VPS37A: variants seen among roughly 807,000 people sequenced by gnomAD.
VPS37A encodes vacuolar protein sorting-associated protein 37A.
A neutral mutation model predicts 49.8 loss-of-function variants in VPS37A; 30 were observed. The ratio of observed to expected loss-of-function variants is 0.60; its 90% CI spans 0.45 to 0.82. VPS37A has a LOEUF of 0.82. VPS37A is among the 40% of genes least tolerant of loss of function. VPS37A has a pLI of 0.00. For synonymous variants in VPS37A, 195 were observed against 160.6 expected (o/e 1.21, Z -1.62); for missense variants, 593 against 464.4 (o/e 1.28, Z -2.55).
chr8:17,272,152 T>G (rs897671170), intron 4 of VPS37A: 2 of 451,212 alleles, frequency 4.4e-6, no homozygotes, highest in African/African-American at 4.0e-5. Flanking sequence ...GACCATCTGC[T>G]CAAAGGCCCA....
chr8:17,314,090 A>G, the VPS37A span, among the ~76,000 whole-genome samples: 29,717 of 152,070 alleles, frequency 0.2, 3,704 homozygotes, highest in East Asian at 0.34. Flanking sequence ...CACCTCTATA[A>G]TATTATAAAC....
chr8:17,314,085 C>G, the VPS37A span, among the ~76,000 whole-genome samples: 1 of 152,144 alleles, frequency 6.6e-6, no homozygotes, highest in Admixed American at 6.5e-5. Context: ...ATAAACACCT[C>G]TATAATATTA....
At chr8:17,261,004 A>G (rs570270234) in intron 1 of VPS37A, among the ~76,000 whole-genome samples, 10 of 152,088 alleles carry the variant, frequency 6.6e-5, no homozygotes, top group Admixed American at 2.0e-4. Flanking sequence ...CTGGATATTT[A>G]TGACTTTCTC....
At chr8:17,279,465 G>C (rs1473743090) in intron 6 of VPS37A, among the ~76,000 whole-genome samples, 1 of 152,016 alleles carries the variant, frequency 6.6e-6, no homozygotes, top group Non-Finnish European at 1.5e-5. Flanking sequence ...ATTTACTATA[G>C]TACTAGTGTG....
downstream of VPS37A, chr8:17,304,311 C>T: frequency 6.4e-7 from 1 of 1,552,288 alleles, no homozygotes; most frequent in East Asian, 2.3e-5. Context: ...ACTTTGACCT[C>T]TGAATGTTAA....
Position 17,268,459 on chromosome 8 carries a change from A to G in VPS37A, c.315+87A>G, listed in dbSNP as rs1316459575. On this transcript the variant is annotated intron_variant, in intron 3 of 11. Coordinates refer to ENST00000324849, the MANE Select transcript of VPS37A (RefSeq NM_152415.3). ...TATTTTAGAAATCTGAAATGCATTTAAAGTTTCATTTTGTCATGAGTACTT... is the reference window on the plus strand; with the variant it reads ...TATTTTAGAAATCTGAAATGCATTTGAAGTTTCATTTTGTCATGAGTACTT... The G allele has an allele frequency of 1.9e-5, 20 of 1,028,904 alleles. No homozygotes were observed. The East Asian group carries it at 4.9e-4, about 25-fold the overall frequency. 63.7% of individuals were successfully genotyped at this position (1,028,904 alleles called of 1,614,324 possible).
At chr8:17,257,755 C>A (rs1466163073) in intron 1 of VPS37A, among the ~76,000 whole-genome samples, 1 of 152,152 alleles carries the variant, frequency 6.6e-6, no homozygotes, top group African/African-American at 2.4e-5. Context: ...GTATTTATTC[C>A]TCCAGCCACA....
chr8:17,322,950 CT>C, the VPS37A span, among the ~76,000 whole-genome samples: 488 of 125,736 alleles, frequency 3.9e-3, 8 homozygotes, highest in African/African-American at 0.011. Flanking sequence ...ATTGAATTAT[CT>C]TTTTTTTTTT....
intron 2 of VPS37A, among the ~76,000 whole-genome samples, chr8:17,267,168 T>C (rs1482030491): frequency 6.6e-6 from 1 of 152,172 alleles, no homozygotes; most frequent in Non-Finnish European, 1.5e-5. Context: ...ATTTAGTGCC[T>C]TTTTTACCAA....
chr8:17,305,024 A>G (rs1241887281), downstream of VPS37A, among the ~76,000 whole-genome samples: 1 of 152,180 alleles, frequency 6.6e-6, no homozygotes, highest in African/African-American at 2.4e-5. Flanking sequence ...GTCAGGTACA[A>G]GAAAACAGGT....
At chr8:17,249,183 T>G (rs1811746450) in intron 1 of VPS37A, among the ~76,000 whole-genome samples, 1 of 152,192 alleles carries the variant, frequency 6.6e-6, no homozygotes, top group Non-Finnish European at 1.5e-5. Flanking sequence ...TACTACAAAG[T>G]CTCTTGCTGC....
In VPS37A at chr8:17,283,604, AG is replaced by A. The variant is rs1815305018; in HGVS notation, c.970-868del. Among the ~76,000 whole-genome samples, 5 of 152,300 alleles carry A rather than the reference AG, an allele frequency of 3.3e-5. No individual in the cohort carries two copies. In the South Asian group the frequency reaches 1.0e-3, roughly 32 times the overall value. ...TTTTTTCCAGCACCATTTGTTGAAA[AG>A]ATTCCTTTCCCCATTAACTGGACTG... On this transcript the variant is annotated intron_variant, in intron 9 of 11. Coordinates refer to ENST00000324849, the MANE Select transcript of VPS37A (RefSeq NM_152415.3).
chr8:17,256,196 A>G (rs1026205218), intron 1 of VPS37A, among the ~76,000 whole-genome samples: 1 of 151,562 alleles, frequency 6.6e-6, no homozygotes, highest in African/African-American at 2.4e-5. Context: ...CATTCCCACC[A>G]GCAGTATATC....
At chr8:17,248,286 G>C (rs1811585547) in intron 1 of VPS37A, 1 of 435,296 alleles carries the variant, frequency 2.3e-6, no homozygotes, top group Non-Finnish European at 4.5e-6. Context: ...TTTTTGCCGG[G>C]GGTACGGCTC....
At chr8:17,319,502 G>C in the VPS37A span, among the ~76,000 whole-genome samples, 1 of 152,158 alleles carries the variant, frequency 6.6e-6, no homozygotes, top group Non-Finnish European at 1.5e-5. Flanking sequence ...TCTTCTGAGA[G>C]ACAAACCTCG....
At chr8:17,257,002 A>G (rs74607568) in intron 1 of VPS37A, among the ~76,000 whole-genome samples, 2,153 of 152,282 alleles carry the variant, frequency 0.014, 36 homozygotes, top group Middle Eastern at 0.034. Context: ...TTGTTTGCCT[A>G]GAACAATGTA....
intron 1 of VPS37A, among the ~76,000 whole-genome samples, chr8:17,257,735 C>A (rs191088769): frequency 3.3e-5 from 5 of 152,228 alleles, no homozygotes; most frequent in Admixed American, 3.3e-4. Flanking sequence ...GTAGTATTGT[C>A]ATTTTAATAG....
At chr8:17,327,333 C>T in the VPS37A span, among the ~76,000 whole-genome samples, 1 of 152,292 alleles carries the variant, frequency 6.6e-6, no homozygotes, top group Non-Finnish European at 1.5e-5. Context: ...TCCAGTGGCA[C>T]GATCATGGCT....
intron 1 of VPS37A, chr8:17,248,441 A>T (rs933496001): frequency 1.1e-5 from 5 of 450,884 alleles, no homozygotes; most frequent in African/African-American, 6.0e-5. Context: ...TGCGCGGCTA[A>T]TATTTTGTAT....
Sources: gnomAD v4.1 joint callset for allele counts (sites outside exome capture counted in the v4.1 genomes callset) on GRCh38, gnomAD v4.1.1 for gene constraint, MANE v1.5 for transcripts, NCBI Gene and HGNC (gene_info 2026-07-23, HGNC 2026-07-21) for gene names.